Variants in CACNA2D1 observed in about 807,000 individuals in gnomAD.
The protein encoded by CACNA2D1 is voltage-dependent calcium channel subunit alpha-2/delta-1.
CACNA2D1 carries 53 observed loss-of-function variants against 171.5 expected under a neutral mutation model. The ratio of observed to expected loss-of-function variants is 0.31; its 90% confidence interval spans 0.25 to 0.39. CACNA2D1 has a LOEUF of 0.39. Ranked by LOEUF, CACNA2D1 falls within the 10% of genes least tolerant of loss-of-function variation. The probability of loss-of-function intolerance (pLI) is 1.00; values close to 1 mark genes in which losing one functional copy is unlikely to be tolerated. For synonymous variants in CACNA2D1, 442 were observed against 443.1 expected (o/e 1.00, Z 0.03); for missense variants, 903 against 1,299.8 (o/e 0.69, Z 4.69).
intron 6 of CACNA2D1, among the ~76,000 whole-genome samples, chr7:82,105,285 T>A (rs1190818804): frequency 6.6e-6 from 1 of 152,006 alleles, no homozygotes; most frequent in East Asian, 1.9e-4. Context: ...ACACAAACTG[T>A]TAATAATGAA....
At chr7:82,396,647 A>G (rs1825786264) in intron 1 of CACNA2D1, among the ~76,000 whole-genome samples, 1 of 152,192 alleles carries the variant, frequency 6.6e-6, no homozygotes, top group African/African-American at 2.4e-5. Flanking sequence ...GTACCCTTTT[A>G]CATGAAGCTC....
chr7:82,263,559 A>C (rs1807425737), intron 3 of CACNA2D1, among the ~76,000 whole-genome samples: 1 of 152,212 alleles, frequency 6.6e-6, no homozygotes, highest in Non-Finnish European at 1.5e-5. Flanking sequence ...CTCTGAAATT[A>C]TAAATGAATG....
intron 3 of CACNA2D1, among the ~76,000 whole-genome samples, chr7:82,326,018 T>C (rs1816608570): frequency 6.6e-6 from 1 of 152,152 alleles, no homozygotes; most frequent in South Asian, 2.1e-4. Flanking sequence ...GGTATGGGCA[T>C]GAGTGCACTC....
intron 1 of CACNA2D1, among the ~76,000 whole-genome samples, chr7:82,363,618 A>C (rs1720029559): frequency 2.0e-5 from 3 of 152,200 alleles, no homozygotes; most frequent in Admixed American, 1.3e-4. Context: ...ATAAAAGTAC[A>C]TGCATGCAAA....
intron 4 of CACNA2D1, among the ~76,000 whole-genome samples, chr7:82,145,784 T>C (rs1245809833): frequency 6.7e-6 from 1 of 150,030 alleles, no homozygotes; most frequent in East Asian, 2.0e-4. Context: ...AAATAGTTAA[T>C]CTTTGAGACA....
At chr7:82,246,014 T>C (rs1804875073) in intron 3 of CACNA2D1, among the ~76,000 whole-genome samples, 2 of 152,040 alleles carry the variant, frequency 1.3e-5, no homozygotes, top group African/African-American at 4.8e-5. Flanking sequence ...GTCATAATAA[T>C]CCCTTCATAG....
At chr7:82,226,907 G>A (rs1417545217) in intron 3 of CACNA2D1, among the ~76,000 whole-genome samples, 3 of 152,124 alleles carry the variant, frequency 2.0e-5, no homozygotes, top group Admixed American at 1.3e-4. Flanking sequence ...AAAAGCTGGG[G>A]TAGAAGGCCT....
At chr7:82,195,415 T>C (rs1262039624) in intron 3 of CACNA2D1, among the ~76,000 whole-genome samples, 1 of 152,024 alleles carries the variant, frequency 6.6e-6, no homozygotes. Flanking sequence ...GTCCAAAGTA[T>C]ATTGATACAG....
At chr7:81,955,980 A>ATATATAT (rs58075516) in intron 38 of CACNA2D1, among the ~76,000 whole-genome samples, 1,481 of 34,616 alleles carry the variant, frequency 0.043, 73 homozygotes, top group East Asian at 0.085. Flanking sequence ...ATATATATAT[A>ATATATAT]TTTTTTTTTT....
chr7:82,209,186 G>A (rs531701110), intron 3 of CACNA2D1, among the ~76,000 whole-genome samples: 5 of 152,272 alleles, frequency 3.3e-5, no homozygotes, highest in Admixed American at 3.3e-4. Context: ...AACCAAATAT[G>A]TCTGGGGGAA....
Position 82,019,996 on chromosome 7 carries a change from T to A in CACNA2D1, c.1144-5517A>T, listed in dbSNP as rs187774734. ...TAATGTGGTTTCCATAATTCACAAA[T>A]ACATCAGAATCCAGAGCATTTGACT... is the stretch of plus-strand genomic sequence containing the variant. On this transcript the variant is annotated intron_variant, in intron 12 of 38. Coordinates refer to ENST00000356860, the MANE Select transcript of CACNA2D1 (RefSeq NM_000722.4). Among the ~76,000 whole-genome samples the A allele has an allele frequency of 1.6e-4, 24 of 152,280 alleles. No individual in the cohort carries two copies. The East Asian group carries it at 4.6e-3, about 29-fold the overall frequency.
intron 10 of CACNA2D1, among the ~76,000 whole-genome samples, chr7:82,057,354 TAA>T (rs1806043554): frequency 6.6e-6 from 1 of 151,936 alleles, no homozygotes. Flanking sequence ...TTACTATAAT[TAA>T]AAGTGACCCA....
chr7:82,093,535 A>G (rs1032833211), intron 6 of CACNA2D1, among the ~76,000 whole-genome samples: 1 of 152,126 alleles, frequency 6.6e-6, no homozygotes, highest in African/African-American at 2.4e-5. Context: ...TTTTCTTGCT[A>G]TGAATCTCAT....
intron 24 of CACNA2D1, among the ~76,000 whole-genome samples, chr7:81,979,303 TA>T (rs146042784): frequency 3.3e-5 from 5 of 151,362 alleles, no homozygotes; most frequent in South Asian, 2.1e-4. Context: ...CTTTGAATTG[TA>T]AAAAAAAATA....
chr7:82,409,961 T>G (rs1280668900), intron 1 of CACNA2D1, among the ~76,000 whole-genome samples: 1 of 152,174 alleles, frequency 6.6e-6, no homozygotes, highest in Non-Finnish European at 1.5e-5. Flanking sequence ...TGTAGGCAAC[T>G]GTAACATAAT....
intron 7 of CACNA2D1, among the ~76,000 whole-genome samples, chr7:82,075,889 CAGAT>C (rs1430199201): frequency 3.3e-5 from 5 of 151,996 alleles, no homozygotes; most frequent in Non-Finnish European, 5.9e-5. Flanking sequence ...AAAAAAGAAA[CAGAT>C]TGAGAGATAT....
chr7:82,021,494 T>C (rs982573475), intron 12 of CACNA2D1, among the ~76,000 whole-genome samples: 1 of 152,118 alleles, frequency 6.6e-6, no homozygotes. Flanking sequence ...ATTTAATTTT[T>C]CTAACATTTA....
intron 6 of CACNA2D1, among the ~76,000 whole-genome samples, chr7:82,096,140 A>G (rs1811834665): frequency 1.3e-5 from 2 of 152,202 alleles, no homozygotes; most frequent in African/African-American, 2.4e-5. Flanking sequence ...GAGAATAGGC[A>G]CACTTTTTCT....
At chr7:82,281,299 G>A (rs1810067574) in intron 3 of CACNA2D1, among the ~76,000 whole-genome samples, 1 of 152,148 alleles carries the variant, frequency 6.6e-6, no homozygotes, top group Non-Finnish European at 1.5e-5. Context: ...GGAATCTTGG[G>A]TTTTTATAAG....
Sources: allele counts gnomAD v4.1 joint callset (sites outside exome capture counted in the v4.1 genomes callset), GRCh38; gene constraint gnomAD v4.1.1; transcripts MANE v1.5; gene names NCBI Gene and HGNC (gene_info 2026-07-23, HGNC 2026-07-21).